Variants in SYT16 observed in about 807,000 individuals in gnomAD.
The protein encoded by SYT16 is synaptotagmin 16.
SYT16 carries 42 observed loss-of-function variants against 61.4 expected under a neutral mutation model. That is an observed-to-expected ratio of 0.68 (90% confidence interval 0.53 to 0.89). The LOEUF is 0.89. SYT16 is among the 40% of genes least tolerant of loss of function. SYT16 has a pLI of 0.00. For missense variants in SYT16, 804 were observed against 807.3 expected (o/e 1.00, Z 0.05); for synonymous variants, 314 against 302.3 (o/e 1.04, Z -0.40).
chr14:61,835,467 C>T (rs1480591177), intron 1 of SYT16, among the ~76,000 whole-genome samples: 3 of 151,646 alleles, frequency 2.0e-5, no homozygotes, highest in African/African-American at 7.3e-5. Context: ...ATTATGTTGG[C>T]CAGGCTGGTC....
chr14:62,048,784 G>T (rs1005091696), intron 3 of SYT16, among the ~76,000 whole-genome samples: 14 of 152,172 alleles, frequency 9.2e-5, no homozygotes, highest in African/African-American at 3.4e-4. Context: ...TATTTGAGGG[G>T]TTTTGAGTGA....
chr14:61,833,577 G>A (rs761442351), intron 1 of SYT16, among the ~76,000 whole-genome samples: 4 of 151,716 alleles, frequency 2.6e-5, no homozygotes, highest in Non-Finnish European at 5.9e-5. Context: ...GAGCCACCGT[G>A]CTTGGCCAAT....
intron 1 of SYT16, among the ~76,000 whole-genome samples, chr14:61,883,262 T>C (rs998750607): frequency 6.6e-6 from 1 of 152,182 alleles, no homozygotes; most frequent in African/African-American, 2.4e-5. Context: ...TCCCAGAAAA[T>C]AGGTTTTTCT....
intron 1 of SYT16, among the ~76,000 whole-genome samples, chr14:61,937,620 T>TTGCC (rs2050034564): frequency 6.6e-6 from 1 of 152,236 alleles, no homozygotes; most frequent in Non-Finnish European, 1.5e-5. Flanking sequence ...GAAGCCCCAC[T>TTGCC]TGCCTTTCCA....
At chr14:61,883,835 A>G (rs1017067864) in intron 1 of SYT16, among the ~76,000 whole-genome samples, 1 of 152,212 alleles carries the variant, frequency 6.6e-6, no homozygotes, top group Non-Finnish European at 1.5e-5. Context: ...GAAACTTACA[A>G]TCATGGCGGA....
intron 3 of SYT16, among the ~76,000 whole-genome samples, chr14:62,037,353 C>G (rs2054551499): frequency 6.6e-6 from 1 of 152,138 alleles, no homozygotes; most frequent in African/African-American, 2.4e-5. Flanking sequence ...CCAATAATCT[C>G]TTAGGGAAAA....
At chr14:61,832,128 A>G in intron 1 of SYT16, 1 of 721,346 alleles carries the variant, frequency 1.4e-6, no homozygotes, top group South Asian at 1.4e-5. Context: ...AATGTGATAC[A>G]ACTCGACTTT....
chr14:61,855,603 C>T (rs189608523), intron 1 of SYT16, among the ~76,000 whole-genome samples: 60 of 152,206 alleles, frequency 3.9e-4, no homozygotes, highest in Non-Finnish European at 7.4e-5. Flanking sequence ...CTACTGAATA[C>T]ATATTGCTTT....
chr14:62,027,989 T>C (rs912920284), intron 3 of SYT16, among the ~76,000 whole-genome samples: 2 of 152,212 alleles, frequency 1.3e-5, no homozygotes, highest in Non-Finnish European at 2.9e-5. Flanking sequence ...ACCTCTGAGT[T>C]TTATATGCCA....
intron 2 of SYT16, among the ~76,000 whole-genome samples, chr14:61,985,578 C>T (rs999831227): frequency 2.0e-5 from 3 of 152,096 alleles, no homozygotes; most frequent in Non-Finnish European, 4.4e-5. Context: ...CAGCAGTCTG[C>T]GCTCTTCATA....
intron 5 of SYT16, among the ~76,000 whole-genome samples, chr14:62,078,138 G>GCTCTCTCT (rs749939385): frequency 2.2e-5 from 3 of 133,658 alleles, no homozygotes; most frequent in Non-Finnish European, 4.8e-5. Flanking sequence ...GTGCTCTCTC[G>GCTCTCTCT]CTCTCTCTCT....
At chr14:61,901,801 G>A (rs548581645) in intron 1 of SYT16, among the ~76,000 whole-genome samples, 19 of 150,524 alleles carry the variant, frequency 1.3e-4, no homozygotes, top group East Asian at 9.7e-4. Flanking sequence ...TTGCTCTGTC[G>A]CCCAGGCTGG....
intron 3 of SYT16, among the ~76,000 whole-genome samples, chr14:62,061,477 A>G (rs573867289): frequency 7.1e-4 from 108 of 152,294 alleles, no homozygotes; most frequent in African/African-American, 2.4e-3. Flanking sequence ...AGAAAGCAAG[A>G]CCCAACTGTA....
chr14:62,012,716 T>G (rs2053518517), intron 3 of SYT16, among the ~76,000 whole-genome samples: 1 of 152,208 alleles, frequency 6.6e-6, no homozygotes, highest in Non-Finnish European at 1.5e-5. Context: ...CTTATAGATT[T>G]TTTTTTAGGT....
intron 1 of SYT16, among the ~76,000 whole-genome samples, chr14:61,840,829 G>A (rs551911420): frequency 6.7e-4 from 102 of 152,242 alleles, no homozygotes; most frequent in African/African-American, 2.3e-3. Context: ...ATTTGTGGGA[G>A]AAAATAAGGA....
At chr14:61,822,675 C>T (rs2045653098) in intron 1 of SYT16, among the ~76,000 whole-genome samples, 1 of 152,166 alleles carries the variant, frequency 6.6e-6, no homozygotes, top group Admixed American at 6.5e-5. Context: ...TAAGAGGCTG[C>T]TGTGGTGAGC....
intron 1 of SYT16, among the ~76,000 whole-genome samples, chr14:61,891,240 G>GTGCACA (rs1435891098): frequency 5.9e-4 from 51 of 85,800 alleles, no homozygotes; most frequent in African/African-American, 2.7e-3. Flanking sequence ...ATACACACAC[G>GTGCACA]CGCACACACA....
intron 1 of SYT16, among the ~76,000 whole-genome samples, chr14:61,957,789 G>A (rs770999460): frequency 4.0e-5 from 6 of 151,778 alleles, no homozygotes; most frequent in Middle Eastern, 3.4e-3. Flanking sequence ...GGTTTTGTCT[G>A]GTGTTGGTAT....
chr14:62,072,283 A>G (rs571759029), intron 4 of SYT16, among the ~76,000 whole-genome samples: 3 of 152,294 alleles, frequency 2.0e-5, no homozygotes, highest in East Asian at 1.9e-4. Flanking sequence ...TTGAGATGGT[A>G]TATCTGCCAT....
Sources: gnomAD v4.1 joint callset for allele counts (sites outside exome capture counted in the v4.1 genomes callset) on GRCh38, gnomAD v4.1.1 for gene constraint, MANE v1.5 for transcripts, NCBI Gene and HGNC (gene_info 2026-07-23, HGNC 2026-07-21) for gene names.